ASIC2: variants seen among roughly 807,000 people sequenced by gnomAD.
ASIC2 encodes acid sensing ion channel subunit 2.
Under a neutral mutation model 57.3 loss-of-function variants are expected in ASIC2, and 25 were observed. The observed-to-expected ratio is 0.44, with a 90% CI of 0.32 to 0.61. The LOEUF is 0.61. ASIC2 is among the 20% of genes least tolerant of loss of function. ASIC2 has a pLI of 0.06. For missense variants in ASIC2, 641 were observed against 738.1 expected, an observed-to-expected ratio of 0.87 and a Z score of 1.52; for synonymous variants, 319 against 307.5, an observed-to-expected ratio of 1.04 and a Z score of -0.39.
At chr17:33,186,212 G>A (rs758071953) in intron 1 of ASIC2, among the ~76,000 whole-genome samples, 5 of 152,122 alleles carry the variant, frequency 3.3e-5, no homozygotes, top group Non-Finnish European at 7.4e-5. Flanking sequence ...CAGAGTTCAA[G>A]TGATTCTCCT....
intron 3 of ASIC2, among the ~76,000 whole-genome samples, chr17:33,033,550 G>A (rs1050226676): frequency 1.3e-5 from 2 of 152,200 alleles, no homozygotes; most frequent in Non-Finnish European, 2.9e-5. Flanking sequence ...GCCCCAGAAG[G>A]GACCACCCCA....
At chr17:33,636,650 G>A (rs1387540540) in intron 1 of ASIC2, among the ~76,000 whole-genome samples, 1 of 152,132 alleles carries the variant, frequency 6.6e-6, no homozygotes, top group Non-Finnish European at 1.5e-5. Context: ...GATATTAACT[G>A]AAATTTTCTC....
intron 1 of ASIC2, among the ~76,000 whole-genome samples, chr17:33,304,529 C>T (rs533363673): frequency 6.6e-6 from 1 of 152,178 alleles, no homozygotes; most frequent in Admixed American, 6.5e-5. Context: ...TGGCACTGCC[C>T]ACCAACCAGT....
At chr17:34,035,853 G>A (rs555704881) in intron 1 of ASIC2, among the ~76,000 whole-genome samples, 6 of 152,242 alleles carry the variant, frequency 3.9e-5, no homozygotes, top group Admixed American at 3.9e-4. Flanking sequence ...ACACCAGTTA[G>A]AATGGCAATC....
intron 1 of ASIC2, among the ~76,000 whole-genome samples, chr17:33,800,677 T>C (rs1009552154): frequency 1.3e-5 from 2 of 152,168 alleles, no homozygotes; most frequent in Non-Finnish European, 2.9e-5. Flanking sequence ...ATGGTGTCTT[T>C]AAAACACATT....
chr17:33,825,657 CT>C (rs1225397638), intron 1 of ASIC2, among the ~76,000 whole-genome samples: 2 of 150,930 alleles, frequency 1.3e-5, no homozygotes, highest in African/African-American at 4.8e-5. Context: ...GTTTTATAAT[CT>C]CATAATGGGT....
intron 1 of ASIC2, among the ~76,000 whole-genome samples, chr17:34,043,416 G>A (rs1175512314): frequency 6.6e-6 from 1 of 152,170 alleles, no homozygotes; most frequent in African/African-American, 2.4e-5. Context: ...TTATTAGGAG[G>A]AAGAGCAAAA....
intron 1 of ASIC2, chr17:33,581,515 C>T (rs888595731): frequency 1.3e-5 from 2 of 152,020 alleles, no homozygotes; most frequent in African/African-American, 4.8e-5. Flanking sequence ...GGACAAAACA[C>T]ACAAAGTAAC....
At chr17:33,342,549 A>G (rs1041000074) in intron 1 of ASIC2, among the ~76,000 whole-genome samples, 1 of 152,086 alleles carries the variant, frequency 6.6e-6, no homozygotes, top group Non-Finnish European at 1.5e-5. Context: ...TGTGCTCCCA[A>G]TAGCCTGACC....
In ASIC2 at chr17:33,912,004, G is replaced by A. The variant is rs192577508; in HGVS notation, c.555+243974C>T. On this transcript the variant is annotated intron_variant, in intron 1 of 9. Transcript: ENST00000359872. ...AAAAATACAAAATTAGTGGGGCGTG[G>A]TGGTGTATGCCTGTAATCTCAGCTA... Among the ~76,000 whole-genome samples, 328 of 151,658 alleles carry A rather than the reference G, an allele frequency of 2.2e-3. 2 individuals are homozygous for A. Among genetic ancestry groups the A allele is most frequent in the Non-Finnish European group, 3.7e-3 (252 of 67,780 alleles).
intron 7 of ASIC2, among the ~76,000 whole-genome samples, chr17:33,020,731 C>G (rs1451500383): frequency 6.6e-6 from 1 of 152,176 alleles, no homozygotes; most frequent in Non-Finnish European, 1.5e-5. Flanking sequence ...GGGGGCAACA[C>G]CTGGCCTTCT....
intron 1 of ASIC2, among the ~76,000 whole-genome samples, chr17:34,083,209 T>A (rs1598014780): frequency 7.3e-6 from 1 of 137,378 alleles, no homozygotes; most frequent in East Asian, 2.2e-4. Context: ...AGTGTGATGT[T>A]GCCCTTCCTG....
At chr17:34,017,865 A>G (rs185344995) in intron 1 of ASIC2, among the ~76,000 whole-genome samples, 1 of 152,228 alleles carries the variant, frequency 6.6e-6, no homozygotes, top group Non-Finnish European at 1.5e-5. Flanking sequence ...AAAAGAAACC[A>G]TCTCCTTGTA....
At chr17:33,906,393 A>G (rs572852722) in intron 1 of ASIC2, among the ~76,000 whole-genome samples, 1 of 152,332 alleles carries the variant, frequency 6.6e-6, no homozygotes, top group African/African-American at 2.4e-5. Flanking sequence ...TCTCCTAAAA[A>G]GTTCCCCCAG....
At chr17:33,969,348 G>A (rs1350213852) in intron 1 of ASIC2, among the ~76,000 whole-genome samples, 1 of 152,178 alleles carries the variant, frequency 6.6e-6, no homozygotes, top group African/African-American at 2.4e-5. Flanking sequence ...TGAATGAATG[G>A]AGGATGTAAG....
At chr17:33,746,544 C>T (rs1910275681) in intron 1 of ASIC2, among the ~76,000 whole-genome samples, 1 of 151,238 alleles carries the variant, frequency 6.6e-6, no homozygotes, top group Admixed American at 6.6e-5. Context: ...TTTTTATACT[C>T]ATATACCTAA....
chr17:33,499,610 T>C (rs780433186), intron 1 of ASIC2, among the ~76,000 whole-genome samples: 16 of 152,358 alleles, frequency 1.1e-4, no homozygotes, highest in Non-Finnish European at 1.9e-4. Context: ...GTTTCTGTTG[T>C]TGAAGCCACC....
chr17:33,953,967 G>A (rs776392956), intron 1 of ASIC2, among the ~76,000 whole-genome samples: 4 of 152,202 alleles, frequency 2.6e-5, no homozygotes, highest in Non-Finnish European at 5.9e-5. Context: ...GGGCCACAGA[G>A]GGTGGGGATG....
At chr17:33,917,881 C>CAT (rs61324747) in intron 1 of ASIC2, among the ~76,000 whole-genome samples, 2 of 141,296 alleles carry the variant, frequency 1.4e-5, no homozygotes, top group African/African-American at 2.6e-5. Flanking sequence ...CACACACACA[C>CAT]GTGCATGTGC....
Sources: gnomAD v4.1 joint callset for allele counts (sites outside exome capture counted in the v4.1 genomes callset) on GRCh38, gnomAD v4.1.1 for gene constraint, MANE v1.5 for transcripts, NCBI Gene and HGNC (gene_info 2026-07-23, HGNC 2026-07-21) for gene names.